GFRA2: variants seen among roughly 807,000 people sequenced by gnomAD.
The protein encoded by GFRA2 is GDNF family receptor alpha 2, also known as GDNF family receptor alpha-2.
A neutral mutation model predicts 48.3 loss-of-function variants in GFRA2; 17 were observed. That is an observed-to-expected ratio of 0.35 (90% CI 0.24 to 0.53). GFRA2 has a LOEUF of 0.53. GFRA2 is among the 20% of genes least tolerant of loss of function. The probability of loss-of-function intolerance (pLI) is 0.93; values close to 1 mark genes in which losing one functional copy is unlikely to be tolerated. For synonymous variants in GFRA2, 305 were observed against 257.2 expected (o/e 1.19, Z -1.78); for missense variants, 660 against 637.3 (o/e 1.04, Z -0.38).
At chr8:21,713,038 AGGGAGAGGGAGAGGGAGACG>A (rs1410727747) in intron 4 of GFRA2, among the ~76,000 whole-genome samples, 1 of 130,346 alleles carries the variant, frequency 7.7e-6, no homozygotes, top group South Asian at 2.2e-4. Flanking sequence ...GAGGGAGACG[AGGGAGAGGGAGAGGGAGACG>A]AGGGAAAGGG....
At chr8:21,797,267 CTT>C (rs1169613428) in intron 2 of GFRA2, among the ~76,000 whole-genome samples, 1 of 99,864 alleles carries the variant, frequency 1.0e-5, no homozygotes, top group Non-Finnish European at 2.2e-5. Context: ...GCCTTTCTTT[CTT>C]TTTTTTTCCT....
chr8:21,792,601 CA>C (rs1475240905), upstream of GFRA2, among the ~76,000 whole-genome samples: 1 of 152,170 alleles, frequency 6.6e-6, no homozygotes, highest in African/African-American at 2.4e-5. Flanking sequence ...AACAAAGGCA[CA>C]GTGGGAGAAA....
At chr8:21,733,890 C>T (rs779085345) in intron 4 of GFRA2, among the ~76,000 whole-genome samples, 2 of 152,174 alleles carry the variant, frequency 1.3e-5, no homozygotes, top group Admixed American at 6.5e-5. Flanking sequence ...CCACCCTCCC[C>T]AGGCTCCGAC....
chr8:21,761,189 T>A (rs139662707), intron 3 of GFRA2, among the ~76,000 whole-genome samples: 1 of 152,290 alleles, frequency 6.6e-6, no homozygotes, highest in African/African-American at 2.4e-5. Flanking sequence ...ACACTTCACG[T>A]TGGATCTCCT....
At chr8:21,808,717 C>T (rs1051915562) in intron 1 of GFRA2, among the ~76,000 whole-genome samples, 2 of 152,236 alleles carry the variant, frequency 1.3e-5, no homozygotes, top group African/African-American at 4.8e-5. Context: ...AAATCCCCTC[C>T]AGCAAAACAA....
intron 3 of GFRA2, among the ~76,000 whole-genome samples, chr8:21,751,705 G>A (rs936296812): frequency 1.1e-4 from 16 of 152,222 alleles, no homozygotes; most frequent in Admixed American, 9.8e-4. Context: ...GGGTGAGGAG[G>A]TAGGCTGAGG....
chr8:21,787,956 T>C (rs1807366038), intron 1 of GFRA2, among the ~76,000 whole-genome samples, 164 bp downstream of exon 1: 1 of 151,640 alleles, frequency 6.6e-6, no homozygotes, highest in African/African-American at 2.4e-5. Flanking sequence ...CTCGTCCGCG[T>C]CCCTGCCGCC....
chr8:21,734,292 AGAAGCCACTGCCAG>A (rs1804344243), intron 4 of GFRA2, among the ~76,000 whole-genome samples: 1 of 152,356 alleles, frequency 6.6e-6, no homozygotes, highest in East Asian at 1.9e-4. Flanking sequence ...GCTAGAAGCC[AGAAGCCACTGCCAG>A]GGCTCCACAC....
chr8:21,761,450 G>A (rs907828972), intron 3 of GFRA2, among the ~76,000 whole-genome samples: 3 of 152,204 alleles, frequency 2.0e-5, no homozygotes, highest in Non-Finnish European at 2.9e-5. Context: ...GGGGAAGACG[G>A]AGGACCTGGC....
chr8:21,721,572 C>T (rs1803596247), intron 4 of GFRA2, among the ~76,000 whole-genome samples: 1 of 152,188 alleles, frequency 6.6e-6, no homozygotes, highest in African/African-American at 2.4e-5. Context: ...GGCTGTGATA[C>T]CCACACAAAA....
At chr8:21,767,077 C>T (rs1033641100) in intron 3 of GFRA2, among the ~76,000 whole-genome samples, 8 of 150,088 alleles carry the variant, frequency 5.3e-5, no homozygotes, top group African/African-American at 1.7e-4. Context: ...ACCCCATACA[C>T]TATCTCACAC....
intron 2 of GFRA2, among the ~76,000 whole-genome samples, chr8:21,796,258 G>C (rs916065578): frequency 6.6e-6 from 1 of 152,214 alleles, no homozygotes; most frequent in African/African-American, 2.4e-5. Flanking sequence ...AAACCTCACA[G>C]CTTCTCTTCT....
At chr8:21,693,650 G>A (rs1034713620) in intron 8 of GFRA2, among the ~76,000 whole-genome samples, 13 of 151,990 alleles carry the variant, frequency 8.6e-5, no homozygotes, top group Non-Finnish European at 1.5e-4. Flanking sequence ...TTGGAGAGGA[G>A]GGCAGTGGTC....
intron 4 of GFRA2, among the ~76,000 whole-genome samples, chr8:21,711,113 A>G (rs771327661): frequency 6.6e-6 from 1 of 152,210 alleles, no homozygotes; most frequent in African/African-American, 2.4e-5. Flanking sequence ...TATGCTTTTC[A>G]TAATACAAGG....
intron 4 of GFRA2, among the ~76,000 whole-genome samples, chr8:21,708,244 C>G (rs1266407552): frequency 6.6e-6 from 1 of 152,200 alleles, no homozygotes. Flanking sequence ...ATAAATGCAC[C>G]CTCTGCTTCC....
intron 6 of GFRA2, among the ~76,000 whole-genome samples, chr8:21,703,373 T>C (rs1802579538): frequency 6.6e-6 from 1 of 152,084 alleles, no homozygotes; most frequent in Non-Finnish European, 1.5e-5. Context: ...TCACAGGCTC[T>C]TCCGGCCCCT....
intron 4 of GFRA2, among the ~76,000 whole-genome samples, chr8:21,730,838 T>C (rs961618291): frequency 2.6e-5 from 4 of 152,070 alleles, no homozygotes; most frequent in Admixed American, 2.6e-4. Context: ...TTCCCCACAT[T>C]TCAGAAATAA....
At chr8:21,713,091 G>A (rs1437538037) in intron 4 of GFRA2, among the ~76,000 whole-genome samples, 1 of 150,926 alleles carries the variant, frequency 6.6e-6, no homozygotes, top group Non-Finnish European at 1.5e-5. Flanking sequence ...AGAGGCAGAG[G>A]GAGAGGGAGA....
chr8:21,721,746 G>A (rs1176602996), intron 4 of GFRA2, among the ~76,000 whole-genome samples: 1 of 152,140 alleles, frequency 6.6e-6, no homozygotes, highest in African/African-American at 2.4e-5. Flanking sequence ...CGCAAAGCAG[G>A]GAGAAAGAGA....
Sources: allele counts gnomAD v4.1 joint callset (sites outside exome capture counted in the v4.1 genomes callset), GRCh38; gene constraint gnomAD v4.1.1; transcripts MANE v1.5; gene names NCBI Gene and HGNC (gene_info 2026-07-23, HGNC 2026-07-21).